Variants in LRRC8D observed in about 807,000 individuals in gnomAD.
The protein encoded by LRRC8D is leucine rich repeat containing 8 VRAC subunit D.
Under a neutral mutation model 55.8 loss-of-function variants are expected in LRRC8D, and 20 were observed. The observed-to-expected ratio is 0.36, with a 90% CI of 0.25 to 0.52. The LOEUF is 0.52. Ranked by LOEUF, LRRC8D falls within the 20% of genes least tolerant of loss-of-function variation. The probability of loss-of-function intolerance (pLI) is 0.93; values close to 1 mark genes in which losing one functional copy is unlikely to be tolerated. For synonymous variants in LRRC8D, 352 were observed against 377.0 expected (o/e 0.93, Z 0.77); for missense variants, 651 against 1,030.8 (o/e 0.63, Z 5.05).
chr1:89,824,557 G>C (rs913801309), intron 1 of LRRC8D, among the ~76,000 whole-genome samples: 4 of 152,134 alleles, frequency 2.6e-5, no homozygotes, highest in African/African-American at 9.7e-5. Flanking sequence ...CCTTTGGACT[G>C]TTTGTTGTAT....
intron 1 of LRRC8D, among the ~76,000 whole-genome samples, chr1:89,840,037 G>C (rs890799261): frequency 6.6e-6 from 1 of 152,174 alleles, no homozygotes; most frequent in Non-Finnish European, 1.5e-5. Flanking sequence ...TTCTAAAATG[G>C]CTTTCACAGT....
At chr1:89,853,909 C>G (rs1053703931) in intron 2 of LRRC8D, among the ~76,000 whole-genome samples, 2 of 151,796 alleles carry the variant, frequency 1.3e-5, no homozygotes, top group Non-Finnish European at 2.9e-5. Flanking sequence ...TACACGTTTG[C>G]GAGGAGTTGT....
intron 2 of LRRC8D, among the ~76,000 whole-genome samples, chr1:89,925,015 C>T (rs1663522028): frequency 6.6e-6 from 1 of 152,194 alleles, no homozygotes. Context: ...CCACGGACTG[C>T]TGCTGATTCA....
chr1:89,859,559 A>G (rs1201698663), intron 2 of LRRC8D, among the ~76,000 whole-genome samples: 1 of 152,200 alleles, frequency 6.6e-6, no homozygotes, highest in Non-Finnish European at 1.5e-5. Flanking sequence ...ATTATTTTCA[A>G]TACAGGGAAA....
At chr1:89,824,202 A>G (rs915980502) in intron 1 of LRRC8D, among the ~76,000 whole-genome samples, 2 of 152,208 alleles carry the variant, frequency 1.3e-5, no homozygotes, top group African/African-American at 4.8e-5. Context: ...AAATGGCGAT[A>G]GTGCCTGCCC....
At position 89,899,711 on chromosome 1, in the gene LRRC8D, A is replaced by G. The variant is rs189313456; in HGVS notation, c.-2-33356A>G. On this transcript the variant is annotated intron_variant, in intron 2 of 2. Coordinates refer to ENST00000337338, the MANE Select transcript of LRRC8D (RefSeq NM_001134479.2). ...ATCAATGCTTTCAGATTTGTCTTCTATGTGGAACTTGTATGGTTAAATGAT... is the reference window on the plus strand; with the variant it reads ...ATCAATGCTTTCAGATTTGTCTTCTGTGTGGAACTTGTATGGTTAAATGAT... Among the ~76,000 whole-genome samples, 365 of 152,346 alleles carry G rather than the reference A, an allele frequency of 2.4e-3. 2 individuals are homozygous for G. The highest frequency in any genetic ancestry group is 8.4e-3 in the African/African-American group (348 of 41,582).
At chr1:89,867,187 AG>A (rs1010685343) in intron 2 of LRRC8D, among the ~76,000 whole-genome samples, 1 of 152,208 alleles carries the variant, frequency 6.6e-6, no homozygotes, top group Non-Finnish European at 1.5e-5. Context: ...CAGTCTCACC[AG>A]CCCCTGACCA....
chr1:89,826,034 G>A (rs1267075695), intron 1 of LRRC8D, among the ~76,000 whole-genome samples: 1 of 152,158 alleles, frequency 6.6e-6, no homozygotes, highest in Non-Finnish European at 1.5e-5. Context: ...ACCAGTCCAC[G>A]TGGGCAACCT....
chr1:89,869,834 G>A (rs1661950444), intron 2 of LRRC8D, among the ~76,000 whole-genome samples: 1 of 152,218 alleles, frequency 6.6e-6, no homozygotes, highest in African/African-American at 2.4e-5. Flanking sequence ...TTTTCACACG[G>A]CGTGGTGGCT....
At chr1:89,828,709 C>T (rs895238410) in intron 1 of LRRC8D, among the ~76,000 whole-genome samples, 8 of 152,056 alleles carry the variant, frequency 5.3e-5, no homozygotes, top group African/African-American at 9.7e-5. Flanking sequence ...TTTTGGGGAA[C>T]GCTCATAAAT....
At chr1:89,897,873 G>T (rs934359416) in intron 2 of LRRC8D, among the ~76,000 whole-genome samples, 1 of 152,168 alleles carries the variant, frequency 6.6e-6, no homozygotes, top group Non-Finnish European at 1.5e-5. Context: ...GGCAGCCGAG[G>T]TGCAGTGGAG....
At chr1:89,860,498 G>A (rs1163722973) in intron 2 of LRRC8D, among the ~76,000 whole-genome samples, 4 of 151,706 alleles carry the variant, frequency 2.6e-5, no homozygotes, top group East Asian at 3.9e-4. Flanking sequence ...AGTGGCTCAC[G>A]CCTGTAATCC....
chr1:89,909,426 A>G (rs1261169148), intron 2 of LRRC8D, among the ~76,000 whole-genome samples: 1 of 152,098 alleles, frequency 6.6e-6, no homozygotes, highest in African/African-American at 2.4e-5. Context: ...CTGACTCCAT[A>G]ACTAAAACCA....
At chr1:89,871,035 G>A (rs1661993921) in intron 2 of LRRC8D, among the ~76,000 whole-genome samples, 1 of 152,158 alleles carries the variant, frequency 6.6e-6, no homozygotes, top group Non-Finnish European at 1.5e-5. Context: ...CAGTATTGAA[G>A]TGGTAGATGG....
chr1:89,931,951 C>G (rs1185245527), intron 2 of LRRC8D, among the ~76,000 whole-genome samples: 1 of 152,024 alleles, frequency 6.6e-6, no homozygotes, highest in South Asian at 2.1e-4. Flanking sequence ...ACCCAAGAAC[C>G]TCTCAAGAAA....
At chr1:89,872,924 G>A (rs1403088462) in intron 2 of LRRC8D, among the ~76,000 whole-genome samples, 1 of 152,188 alleles carries the variant, frequency 6.6e-6, no homozygotes, top group Non-Finnish European at 1.5e-5. Flanking sequence ...GATTAATGTA[G>A]AGTTGAAATT....
chr1:89,852,192 G>A (rs932505945), intron 2 of LRRC8D, among the ~76,000 whole-genome samples: 2 of 152,116 alleles, frequency 1.3e-5, no homozygotes, highest in Non-Finnish European at 1.5e-5. Flanking sequence ...AATTGTTCTC[G>A]TATTGTGCTT....
chr1:89,877,341 A>G (rs765745081), intron 2 of LRRC8D, among the ~76,000 whole-genome samples: 1 of 152,038 alleles, frequency 6.6e-6, no homozygotes, highest in East Asian at 1.9e-4. Flanking sequence ...CTCTGCCTCA[A>G]TTTCCTCATT....
intron 2 of LRRC8D, among the ~76,000 whole-genome samples, chr1:89,882,388 A>C (rs114082535): frequency 0.015 from 2,333 of 152,308 alleles, 55 homozygotes; most frequent in African/African-American, 0.053. Flanking sequence ...TGGCTATTGG[A>C]ATTTTAAAAA....
Sources: gnomAD v4.1 joint callset for allele counts (sites outside exome capture counted in the v4.1 genomes callset) on GRCh38, gnomAD v4.1.1 for gene constraint, MANE v1.5 for transcripts, NCBI Gene and HGNC (gene_info 2026-07-23, HGNC 2026-07-21) for gene names.